The following RBMS2 variants were observed in gnomAD, a reference collection of about 807,000 sequenced individuals.
RBMS2 encodes the protein RNA-binding motif, single-stranded-interacting protein 2.
A neutral mutation model predicts 58.4 loss-of-function variants in RBMS2; 38 were observed. The ratio of observed to expected loss-of-function variants is 0.65; its 90% CI spans 0.50 to 0.85. The LOEUF is 0.85. Ranked by LOEUF, RBMS2 falls within the 40% of genes least tolerant of loss-of-function variation. The pLI is 0.00. For missense variants in RBMS2, 367 were observed against 503.7 expected (o/e 0.73, Z 2.60); for synonymous variants, 151 against 180.7 (o/e 0.84, Z 1.32).
At chr12:56,537,741 A>C (rs1486125197) in intron 1 of RBMS2, among the ~76,000 whole-genome samples, 1 of 152,028 alleles carries the variant, frequency 6.6e-6, no homozygotes, top group Non-Finnish European at 1.5e-5. Flanking sequence ...TTGCTACATC[A>C]TATGGCAAGT....
rs768760398 is a variant in RBMS2, at chr12:56,595,296, G to A, written c.*6163G>A. 3.2e-4 allele frequency: 49 copies of A among 152,188 alleles called. No homozygotes were observed. The highest frequency in any genetic ancestry group is 5.6e-4 in the Non-Finnish European group (38 of 68,038). 9.4% of individuals were successfully genotyped at this position (152,188 alleles called of 1,614,324 possible). A position where few individuals can be genotyped will look rare whatever the true frequency, so the allele number is the denominator to read the frequency against. ...TGCACCAAGACAAAGTTTCCAGGCT[G>A]GAGGGTAATACATATCCAGCGCGAG... is the stretch of plus-strand genomic sequence containing the variant. On this transcript the variant is annotated 3_prime_UTR_variant, in exon 14 of 14. Coordinates refer to ENST00000262031, the MANE Select transcript of RBMS2 (RefSeq NM_002898.4).
intron 9 of RBMS2, among the ~76,000 whole-genome samples, chr12:56,584,839 T>G (rs1475572617): frequency 1.3e-5 from 2 of 151,316 alleles, no homozygotes; most frequent in African/African-American, 4.8e-5. Flanking sequence ...TTTTTTTTTT[T>G]TGTGACCGAG....
chr12:56,536,922 C>CT (rs975256484), intron 1 of RBMS2, among the ~76,000 whole-genome samples: 3,044 of 131,640 alleles, frequency 0.023, 99 homozygotes, highest in African/African-American at 0.072. Flanking sequence ...CCATCTTGAA[C>CT]TTTTTTTTTT....
In RBMS2 at chr12:56,577,722, G is replaced by A. The variant is rs190790436; in HGVS notation, c.543-3462G>A. On this transcript the variant is annotated intron_variant, in intron 5 of 13. Transcript: ENST00000262031. Reference sequence around the variant, plus strand: ...TTTGGAGATGGAGTTTCACTCTGTCGCCCAGGCTGGAGTGCAGTGCTGCAA... The same window carrying A: ...TTTGGAGATGGAGTTTCACTCTGTCACCCAGGCTGGAGTGCAGTGCTGCAA... 4.6e-4 allele frequency among the ~76,000 whole-genome samples: 70 copies of A among 151,656 alleles called. No homozygotes were observed. The East Asian group carries it at 5.4e-3, about 12-fold the overall frequency.
chr12:56,570,140 T>G, intron 4 of RBMS2, 150 bp downstream of exon 4: 1 of 635,578 alleles, frequency 1.6e-6, no homozygotes, highest in Non-Finnish European at 2.7e-6. Context: ...TGAGCACCCC[T>G]GGCTGCTGGA....
chr12:56,568,781 C>T (rs765396306), intron 2 of RBMS2, among the ~76,000 whole-genome samples, 194 bp from the exon 3 acceptor site: 7 of 152,090 alleles, frequency 4.6e-5, no homozygotes, highest in Admixed American at 1.3e-4. Context: ...CCTCCAGCCT[C>T]GGCCTCCCAA....
rs1228905511 is a variant in RBMS2 at position 56,593,111 on chromosome 12, GT to G, written c.*3980del. The G allele has an allele frequency of 1.3e-5, 2 of 152,068 alleles. No homozygotes were observed. Among genetic ancestry groups the G allele is most frequent in the African/African-American group, 4.8e-5 (2 of 41,420 alleles). The allele number at this position is 152,068 out of a possible 1,614,324, so 9.4% of individuals were successfully genotyped here. A position where few individuals can be genotyped will look rare whatever the true frequency, so the allele number is the denominator to read the frequency against. On this transcript the variant is annotated 3_prime_UTR_variant, in exon 14 of 14. Coordinates refer to ENST00000262031, the MANE Select transcript of RBMS2 (RefSeq NM_002898.4). Reference sequence around the variant, plus strand: ...GTGAGCCTCCATGCTTGGATGAGATGTTGTTTTTAATGTTTTTGGTTTTTTG... The same window carrying G: ...GTGAGCCTCCATGCTTGGATGAGATGTGTTTTTAATGTTTTTGGTTTTTTG...
chr12:56,588,435 C>T lies in RBMS2; in HGVS notation c.1143+61C>T, dbSNP rs549590574. On this transcript the variant is annotated intron_variant, in intron 12 of 13. Coordinates refer to ENST00000262031, the MANE Select transcript of RBMS2 (RefSeq NM_002898.4). ...GAAAATGAACGGAGGCAGGTTTCCCCCTGATCAAGATCTTTCTCTCACAAT... is the reference window on the plus strand; with the variant it reads ...GAAAATGAACGGAGGCAGGTTTCCCTCTGATCAAGATCTTTCTCTCACAAT... 7.8e-4 allele frequency: 1,112 copies of T among 1,431,024 alleles called. 14 individuals carry two copies. The South Asian group carries it at 0.012, about 16-fold the overall frequency. 88.6% of individuals were successfully genotyped at this position (1,431,024 alleles called of 1,614,324 possible). A position where few individuals can be genotyped will look rare whatever the true frequency, so the allele number is the denominator to read the frequency against.
intron 2 of RBMS2, among the ~76,000 whole-genome samples, 190 bp downstream of exon 2, chr12:56,562,773 G>A (rs991705970): frequency 2.0e-5 from 3 of 152,156 alleles, no homozygotes; most frequent in African/African-American, 7.2e-5. Flanking sequence ...AAAAGGCAAT[G>A]GCATTTTGTT....
chr12:56,571,337 G>A (rs1882259229), intron 4 of RBMS2, among the ~76,000 whole-genome samples: 1 of 152,158 alleles, frequency 6.6e-6, no homozygotes, highest in African/African-American at 2.4e-5. Flanking sequence ...AGTGGGGAGG[G>A]GCTGCTCAAA....
intron 1 of RBMS2, among the ~76,000 whole-genome samples, chr12:56,550,525 C>A (rs118005353): frequency 0.01 from 1,521 of 151,690 alleles, 44 homozygotes; most frequent in Admixed American, 0.056. Flanking sequence ...CAGAGTGAGA[C>A]CCTTTCTCAA....
intron 1 of RBMS2, among the ~76,000 whole-genome samples, chr12:56,547,906 C>T (rs1255569360): frequency 6.6e-6 from 1 of 151,778 alleles, no homozygotes; most frequent in African/African-American, 2.4e-5. Context: ...CCCACCTTGG[C>T]CTCCCAAAGT....
rs944192027 is a variant in RBMS2 at position 56,590,736 on chromosome 12, A to G, written c.*1603A>G. The G allele has an allele frequency of 1.3e-5, 2 of 152,344 alleles. No individual in the cohort carries two copies. The highest frequency in any genetic ancestry group is 6.5e-5 in the Admixed American group (1 of 15,300). 9.4% of individuals were successfully genotyped at this position (152,344 alleles called of 1,614,324 possible). A position where few individuals can be genotyped will look rare whatever the true frequency, so the allele number is the denominator to read the frequency against. ...AGAGCTGTGGCTCCATGCTGAATGC[A>G]CACATGTACTCAGAGGGATTCAGGT... On this transcript the variant is annotated 3_prime_UTR_variant, in exon 14 of 14. Transcript: ENST00000262031.
Position 56,587,613 on chromosome 12 carries a change from G to C in RBMS2, c.1011G>C (p.Met337Ile), listed in dbSNP as rs758292824. Residue 337 changes from methionine (M) to isoleucine (I), a missense_variant, in exon 11 of 14, where the codon ATG becomes ATC. Met to Ile is a conservative substitution (Grantham distance 10, BLOSUM62 1). Transcript: ENST00000262031. ...TTTCTCTCCAGCCTGCCTCCATGATGGGACCCCTTACCCAGCAACTGGGCC... is the reference window on the plus strand; with the variant it reads ...TTTCTCTCCAGCCTGCCTCCATGATCGGACCCCTTACCCAGCAACTGGGCC... The part of the protein sequence containing the change: ...HPISLQPASM[M>I]GPLTQQLGHL... 4 of 1,613,918 alleles carry C rather than the reference G, an allele frequency of 2.5e-6. No homozygotes were observed. Among genetic ancestry groups the C allele is most frequent in the Non-Finnish European group, 2.5e-6 (3 of 1,179,966 alleles).
chr12:56,543,088 G>T (rs1876438187), intron 1 of RBMS2, among the ~76,000 whole-genome samples: 1 of 152,002 alleles, frequency 6.6e-6, no homozygotes, highest in Non-Finnish European at 1.5e-5. Context: ...TTCCCAGGCT[G>T]GTCTCAAACT....
chr12:56,575,467 G>A (rs775068214), intron 5 of RBMS2, among the ~76,000 whole-genome samples: 3 of 151,966 alleles, frequency 2.0e-5, no homozygotes, highest in Non-Finnish European at 4.4e-5. Context: ...AATATGGGTA[G>A]GGCTGGAGGC....
chr12:56,581,412 CTTGCTT>C lies in RBMS2; in HGVS notation c.638_643del (p.Leu213_Leu214del). 6.2e-7 allele frequency: 1 copy of C among 1,614,240 alleles called. No individual in the cohort carries two copies. Among genetic ancestry groups the C allele is most frequent in the Non-Finnish European group, 8.5e-7 (1 of 1,180,054 alleles). The stretch of plus-strand genomic sequence containing the variant: ...CTCTCTCGGCAGCCCCATCCGATCC[CTTGCTT>C]TGCAAATTTGCTGATGGCGGGCCAA... On this transcript the variant is annotated inframe_deletion, in exon 7 of 14. Transcript: ENST00000262031.
chr12:56,583,096 G>T (rs767852517), intron 9 of RBMS2, among the ~76,000 whole-genome samples: 1 of 152,168 alleles, frequency 6.6e-6, no homozygotes. Flanking sequence ...CCCAATGGGG[G>T]CATTCACTTA....
chr12:56,575,428 C>A (rs1882966080), intron 5 of RBMS2, among the ~76,000 whole-genome samples: 4 of 151,866 alleles, frequency 2.6e-5, no homozygotes, highest in African/African-American at 9.7e-5. Flanking sequence ...CAGAGTGAGA[C>A]CCTGTCTCAA....
Sources: gnomAD v4.1 joint callset for allele counts (sites outside exome capture counted in the v4.1 genomes callset) on GRCh38, gnomAD v4.1.1 for gene constraint, MANE v1.5 for transcripts, NCBI Gene and HGNC (gene_info 2026-07-23, HGNC 2026-07-21) for gene names.